RPL28: variants seen among roughly 807,000 people sequenced by gnomAD.
RPL28 encodes the protein ribosomal protein L28, also known as large ribosomal subunit protein eL28.
RPL28 carries 4 observed loss-of-function variants against 12.5 expected under a neutral mutation model. That is an observed-to-expected ratio of 0.32 (90% CI 0.16 to 0.73). The LOEUF (loss-of-function observed/expected upper bound fraction) is 0.73, where lower values mean the gene tolerates loss of function less well. Ranked by LOEUF, RPL28 falls within the 30% of genes least tolerant of loss-of-function variation. The probability of loss-of-function intolerance (pLI) is 0.66; values close to 1 mark genes in which losing one functional copy is unlikely to be tolerated. For missense variants in RPL28, 214 were observed against 197.7 expected, an observed-to-expected ratio of 1.08 and a Z score of -0.49; for synonymous variants, 91 against 72.5, an observed-to-expected ratio of 1.26 and a Z score of -1.30.
intron 4 of RPL28, chr19:55,400,981 CGTG>C: frequency 1.2e-5 from 2 of 165,212 alleles, no homozygotes; most frequent in South Asian, 3.1e-4. Flanking sequence ...GCCACACCAA[CGTG>C]GCCATTATTC....
chr19:55,396,727 C>T (rs2090026641), downstream of RPL28, among the ~76,000 whole-genome samples: 1 of 147,626 alleles, frequency 6.8e-6, no homozygotes, highest in Non-Finnish European at 1.5e-5. Context: ...ACTACAGGTG[C>T]CCACCACCAC....
In RPL28 at chr19:55,390,950, G is replaced by A; in HGVS notation, c.*2618G>A. On this transcript the variant is annotated 3_prime_UTR_variant, in exon 5 of 5. Transcript: ENST00000344063. ...TCACACAAATCATGTCTGTTGGCCT[G>A]GAAATTGGAAAACCAGTTAAACCAA... 2 of 985,408 alleles carry A rather than the reference G, an allele frequency of 2.0e-6. No individual in the cohort carries two copies. Among genetic ancestry groups the A allele is most frequent in the African/African-American group, 3.5e-5 (2 of 57,324 alleles). The allele number at this position is 985,408 out of a possible 1,614,324, so 61.0% of individuals were successfully genotyped here.
downstream of RPL28, among the ~76,000 whole-genome samples, chr19:55,395,739 A>G (rs140115938): frequency 7.1e-3 from 1,084 of 152,146 alleles, 7 homozygotes; most frequent in African/African-American, 0.02. Flanking sequence ...CACCGCGCCC[A>G]GCCTCTTTTT....
downstream of RPL28, among the ~76,000 whole-genome samples, chr19:55,395,142 A>T (rs1453180275): frequency 6.0e-5 from 9 of 151,218 alleles, no homozygotes; most frequent in South Asian, 2.1e-4. Context: ...TTATTTATTT[A>T]TTTATTTTTT....
chr19:55,395,488 G>A (rs1474304585), downstream of RPL28, among the ~76,000 whole-genome samples: 1 of 142,324 alleles, frequency 7.0e-6, no homozygotes, highest in African/African-American at 2.6e-5. Context: ...CTCTCCCCCA[G>A]TCTGGAGTGC....
In RPL28 at chr19:55,389,165, A is replaced by G; in HGVS notation, c.*833A>G. ...GAGGCCAGGAGTTTGAGACCATCCT[A>G]GGCAACATAATGAGACACCGTCTCT... On this transcript the variant is annotated 3_prime_UTR_variant, in exon 5 of 5. Coordinates refer to ENST00000344063, the MANE Select transcript of RPL28 (RefSeq NM_000991.5). The G allele has an allele frequency of 1.0e-6, 1 of 980,218 alleles. No individual in the cohort carries two copies. Among genetic ancestry groups the G allele is most frequent in the Non-Finnish European group, 1.2e-6 (1 of 825,372 alleles). 60.7% of individuals were successfully genotyped at this position (980,218 alleles called of 1,614,324 possible).
intron 4 of RPL28, among the ~76,000 whole-genome samples, chr19:55,398,601 CTGTGT>C (rs1288862047): frequency 6.6e-6 from 1 of 152,110 alleles, no homozygotes; most frequent in Non-Finnish European, 1.5e-5. Context: ...TTTGGATTTC[CTGTGT>C]TGTGAAGTGC....
chr19:55,391,260 T>C lies in RPL28; in HGVS notation c.*2928T>C. The C allele has an allele frequency of 2.8e-6, 1 of 357,504 alleles. No homozygotes were observed. Among genetic ancestry groups the C allele is most frequent in the Non-Finnish European group, 4.5e-6 (1 of 222,876 alleles). 22.1% of individuals were successfully genotyped at this position (357,504 alleles called of 1,614,324 possible). A position where few individuals can be genotyped will look rare whatever the true frequency, so the allele number is the denominator to read the frequency against. ...AGGAATCAAACTGCCTGGGTTCCAG[T>C]CCCAGCTCTGCCAGTTATGCCCAGC... On this transcript the variant is annotated 3_prime_UTR_variant, in exon 5 of 5. Transcript: ENST00000344063.
downstream of RPL28, among the ~76,000 whole-genome samples, chr19:55,395,678 T>C (rs539343691): frequency 7.1e-3 from 1,041 of 145,610 alleles, 7 homozygotes; most frequent in African/African-American, 0.019. Flanking sequence ...CTCCTGACCT[T>C]GTGATCTGCC....
chr19:55,388,282 A>T lies in RPL28; in HGVS notation c.364A>T (p.Lys122Ter). The T allele has an allele frequency of 6.3e-7, 1 of 1,584,792 alleles. No homozygotes were observed. The change falls in exon 5 of 5, where the codon AAG (lysine) becomes TAG (stop). Residue 122 changes from lysine (K) to a stop codon, truncating the protein, a stop_gained. Transcript: ENST00000344063. LOFTEE classifies it high-confidence loss of function. ...RRASAILRSQ[K>*]PVMVKRKRTR... ...GGCCAGCGCCATCCTGCGCAGCCAG[A>T]AGCCTGTGATGGTGAAGAGGAAGCG...
rs772275672 is a variant in RPL28, at chr19:55,386,724, G to C, written c.205+31G>C. On this transcript the variant is annotated intron_variant, in intron 3 of 4. Transcript: ENST00000344063. ...TTTTGTCTGGTTTGGGCCAGAGAGC[G>C]GCCCCTTTCCCGGGTCTGGGAGCTG... 5.0e-6 allele frequency: 8 copies of C among 1,612,730 alleles called. 1 individual carries two copies. The South Asian group carries it at 8.8e-5, about 18-fold the overall frequency.
exon 5 of RPL28, chr19:55,403,236 C>G (rs2123311168): frequency 4.9e-6 from 3 of 612,178 alleles, no homozygotes; most frequent in Middle Eastern, 4.2e-4. Context: ...TAAAAAACCA[C>G]TGAACTGTAT....
In RPL28 at chr19:55,386,555, C is replaced by T; in HGVS notation, c.82-15C>T. ...GGTCCCTTATTCACGATGCCTTGTG[C>T]CGCCTCCTTCCCAGGAGCCCAATAA... On this transcript the variant is annotated splice_polypyrimidine_tract_variant and intron_variant, in intron 2 of 4. Transcript: ENST00000344063. 6.2e-7 allele frequency: 1 copy of T among 1,600,772 alleles called. No homozygotes were observed. Among genetic ancestry groups the T allele is most frequent in the South Asian group, 1.1e-5 (1 of 90,824 alleles).
Position 55,391,457 on chromosome 19 carries a change from C to T in RPL28, c.*3125C>T. ...ATGGTGAGTGAGCGTAGGGCGCACCCTGGAAGGCTGCCAAGCCCAAAGTTG... is the reference window on the plus strand; with the variant it reads ...ATGGTGAGTGAGCGTAGGGCGCACCTTGGAAGGCTGCCAAGCCCAAAGTTG... On this transcript the variant is annotated 3_prime_UTR_variant, in exon 5 of 5. Transcript: ENST00000344063. 5 of 1,364,536 alleles carry T rather than the reference C, an allele frequency of 3.7e-6. No homozygotes were observed. Among genetic ancestry groups the T allele is most frequent in the Non-Finnish European group, 4.8e-6 (5 of 1,049,402 alleles). 84.5% of individuals were successfully genotyped at this position (1,364,536 alleles called of 1,614,324 possible).
chr19:55,396,828 C>T (rs2090027839), downstream of RPL28, among the ~76,000 whole-genome samples: 1 of 151,472 alleles, frequency 6.6e-6, no homozygotes. Context: ...GATCCGCCCG[C>T]CTTGGCCTCC....
intron 1 of RPL28, 132 bp from the exon 2 acceptor site, chr19:55,386,218 C>T: frequency 2.5e-6 from 2 of 790,286 alleles, no homozygotes; most frequent in Non-Finnish European, 2.1e-6. Flanking sequence ...AGGTCGCTGT[C>T]TGCCCTCAGG....
At chr19:55,402,005 A>C (rs2090063223) in intron 4 of RPL28, among the ~76,000 whole-genome samples, 2 of 152,214 alleles carry the variant, frequency 1.3e-5, no homozygotes, top group South Asian at 4.1e-4. Flanking sequence ...CCAATGGTTT[A>C]AAATGTCCCT....
downstream of RPL28, among the ~76,000 whole-genome samples, chr19:55,392,683 C>T (rs538856203): frequency 2.0e-4 from 31 of 152,316 alleles, no homozygotes; most frequent in South Asian, 1.7e-3. Flanking sequence ...CCCGCCACCA[C>T]GCCCGGCTAA....
rs59507676 is a variant in RPL28 at position 55,397,537 on chromosome 19, G to A, written c.325-5406G>A. 4.6e-3 allele frequency among the ~76,000 whole-genome samples: 705 copies of A among 152,022 alleles called. 8 individuals carry two copies. The highest frequency in any genetic ancestry group is 0.016 in the African/African-American group (660 of 41,460). The stretch of plus-strand genomic sequence containing the variant: ...TGGGACTACAGGCGCCCGCCACCAC[G>A]CCCGGCTAATTTTTTTGTATTTTTA... On this transcript the variant is annotated intron_variant, in intron 4 of 4. Coordinates refer to the RPL28 transcript ENST00000560055.
Sources: allele counts gnomAD v4.1 joint callset (sites outside exome capture counted in the v4.1 genomes callset), GRCh38; gene constraint gnomAD v4.1.1; transcripts MANE v1.5; gene names NCBI Gene and HGNC (gene_info 2026-07-23, HGNC 2026-07-21).